Variants in KAT6A observed in about 807,000 individuals in gnomAD.
KAT6A encodes lysine acetyltransferase 6A.
In KAT6A, 9 loss-of-function variants were observed where a neutral mutation model predicts 198.4. The observed-to-expected ratio is 0.05, with a 90% CI of 0.03 to 0.08. The LOEUF (loss-of-function observed/expected upper bound fraction) is 0.08, where lower values mean the gene tolerates loss of function less well. Among genes scored for constraint, KAT6A ranks in the 10% least tolerant of loss-of-function variants. The probability of loss-of-function intolerance (pLI) is 1.00; values close to 1 mark genes in which losing one functional copy is unlikely to be tolerated. For missense variants in KAT6A, 2,077 were observed against 2,509.9 expected, an observed-to-expected ratio of 0.83 and a Z score of 3.69; for synonymous variants, 890 against 883.0, an observed-to-expected ratio of 1.01 and a Z score of -0.14.
intron 12 of KAT6A, among the ~76,000 whole-genome samples, chr8:41,945,270 GTAC>G (rs1490396086): frequency 6.6e-6 from 1 of 150,396 alleles, no homozygotes; most frequent in African/African-American, 2.4e-5. Context: ...GGCAGGTATA[GTAC>G]TTTTTTTTTT....
chr8:42,005,553 T>C (rs771437541), intron 2 of KAT6A, among the ~76,000 whole-genome samples: 12 of 152,274 alleles, frequency 7.9e-5, no homozygotes, highest in Non-Finnish European at 1.5e-4. Flanking sequence ...CTGCAAATTT[T>C]TGGCAGACAT....
chr8:42,007,212 C>T (rs1040923050), intron 2 of KAT6A, among the ~76,000 whole-genome samples: 8 of 152,132 alleles, frequency 5.3e-5, no homozygotes, highest in Non-Finnish European at 1.0e-4. Flanking sequence ...GAATCCTCAA[C>T]ATAGAGTAGT....
intron 2 of KAT6A, among the ~76,000 whole-genome samples, chr8:41,993,259 A>G (rs1825030215): frequency 6.6e-6 from 1 of 152,246 alleles, no homozygotes; most frequent in Admixed American, 6.5e-5. Context: ...AGACAGTTTA[A>G]CCAAATTATT....
At chr8:41,962,398 A>G (rs1347800027) in intron 8 of KAT6A, among the ~76,000 whole-genome samples, 1 of 152,056 alleles carries the variant, frequency 6.6e-6, no homozygotes, top group East Asian at 1.9e-4. Flanking sequence ...TCCCCATCTC[A>G]GTAGATGGCA....
chr8:42,014,155 G>A (rs1826153888), intron 2 of KAT6A, among the ~76,000 whole-genome samples: 1 of 152,024 alleles, frequency 6.6e-6, no homozygotes, highest in Non-Finnish European at 1.5e-5. Flanking sequence ...GAACTATAAA[G>A]AGGTGGGGGC....
Position 41,933,087 on chromosome 8 carries a change from G to A in KAT6A, c.5133C>T (p.Phe1711=), listed in dbSNP as rs921650112. 5 of 1,486,068 alleles carry A rather than the reference G, an allele frequency of 3.4e-6. No individual in the cohort carries two copies. In the East Asian group the frequency reaches 1.4e-4, roughly 40 times the overall value. The allele number at this position is 1,486,068 out of a possible 1,614,324, so 92.1% of individuals were successfully genotyped here. ...TCTCCATGATCATAGGAGCTGGGGT[G>A]AAACTGTTATTCATACTACACTGTG... ...PLSQCSMNNS[F]TPAPMIMEIP... is the part of the protein sequence containing the mutation. The change falls in exon 17 of 17, where the codon TTC becomes TTT. Residue 1711 remains phenylalanine, a synonymous_variant. Coordinates refer to ENST00000265713, the MANE Select transcript of KAT6A (RefSeq NM_006766.5). The surrounding 1 kb of genome is among the most constrained non-coding windows in gnomAD (Gnocchi z 6.2).
At chr8:42,023,171 T>G (rs1183615394) in intron 2 of KAT6A, among the ~76,000 whole-genome samples, 10 of 152,190 alleles carry the variant, frequency 6.6e-5, no homozygotes, top group African/African-American at 2.4e-4. Context: ...TATAAGATTT[T>G]TTTAAATTAG....
intron 2 of KAT6A, among the ~76,000 whole-genome samples, chr8:42,022,103 A>C (rs1392131694): frequency 6.6e-6 from 1 of 152,200 alleles, no homozygotes; most frequent in Admixed American, 6.5e-5. Context: ...CAACACAGAC[A>C]ATCTTCTTTA....
At chr8:41,995,160 A>C (rs1435243389) in intron 2 of KAT6A, among the ~76,000 whole-genome samples, 1 of 152,256 alleles carries the variant, frequency 6.6e-6, no homozygotes, top group Non-Finnish European at 1.5e-5. Flanking sequence ...AACTAGATAT[A>C]ATAAGAGTAC....
chr8:42,011,630 C>T (rs916097950), intron 2 of KAT6A, among the ~76,000 whole-genome samples: 9 of 151,832 alleles, frequency 5.9e-5, no homozygotes, highest in Admixed American at 3.3e-4. Flanking sequence ...ATCCCAGCTA[C>T]GCAGGAGGCT....
intron 2 of KAT6A, among the ~76,000 whole-genome samples, chr8:42,024,202 G>A (rs1290575070): frequency 6.6e-6 from 1 of 152,054 alleles, no homozygotes; most frequent in Non-Finnish European, 1.5e-5. Flanking sequence ...TCATAAGACT[G>A]GCAGCACAGG....
intron 8 of KAT6A, among the ~76,000 whole-genome samples, chr8:41,968,502 T>C (rs1230635915): frequency 1.3e-5 from 2 of 152,080 alleles, no homozygotes; most frequent in Non-Finnish European, 2.9e-5. Context: ...TGTGGAGAAA[T>C]AGGAACACTT....
chr8:41,996,596 G>A (rs1825217215), intron 2 of KAT6A, among the ~76,000 whole-genome samples: 1 of 152,128 alleles, frequency 6.6e-6, no homozygotes, highest in Admixed American at 6.5e-5. Flanking sequence ...CTCATGACTA[G>A]ATTAATGCTG....
intron 3 of KAT6A, among the ~76,000 whole-genome samples, chr8:41,984,608 C>T (rs1432815072): frequency 2.0e-5 from 3 of 152,286 alleles, no homozygotes; most frequent in South Asian, 4.1e-4. Context: ...TTGCTTTAAG[C>T]TGCTAAGATT....
Position 41,941,356 on chromosome 8 carries a change from C to A in KAT6A, c.2525G>T (p.Ser842Ile). The change falls in exon 15 of 17, where the codon AGT (serine) becomes ATT (isoleucine). Residue 842 changes from serine (S) to isoleucine (I), a missense_variant. Coordinates refer to ENST00000265713, the MANE Select transcript of KAT6A (RefSeq NM_006766.5). ...GACTTGTTTGCTCAAACGTGTAGAA[C>A]TGACTGGAGCCATAACTTCTGGTTT... ...EKKPEVMAPV[S>I]STRLSKQVLP... 3.1e-6 allele frequency: 5 copies of A among 1,612,442 alleles called. No individual in the cohort carries two copies. Among genetic ancestry groups the A allele is most frequent in the Non-Finnish European group, 4.2e-6 (5 of 1,180,014 alleles).
At chr8:41,978,608 T>C (rs760094839) in intron 6 of KAT6A, 34 bp downstream of exon 6, 2 of 1,606,796 alleles carry the variant, frequency 1.2e-6, no homozygotes, top group Admixed American at 1.7e-5. Context: ...ACCCTATCCT[T>C]TTCTCCCCTC....
chr8:41,966,474 C>A (rs189741812), intron 8 of KAT6A, among the ~76,000 whole-genome samples: 1 of 151,992 alleles, frequency 6.6e-6, no homozygotes, highest in Non-Finnish European at 1.5e-5. Flanking sequence ...GATCTTGGAG[C>A]GTATCACTGG....
chr8:42,023,516 C>T (rs1476436012), intron 2 of KAT6A, among the ~76,000 whole-genome samples: 1 of 150,594 alleles, frequency 6.6e-6, no homozygotes, highest in Non-Finnish European at 1.5e-5. Context: ...AAGACAGGGT[C>T]ACACTCTGTT....
At chr8:41,989,433 C>T (rs1383296484) in intron 2 of KAT6A, among the ~76,000 whole-genome samples, 2 of 151,940 alleles carry the variant, frequency 1.3e-5, no homozygotes, top group African/African-American at 4.8e-5. Context: ...CGCTTGAACC[C>T]GGGAGGTAGA....
Sources: gnomAD v4.1 joint callset for allele counts (sites outside exome capture counted in the v4.1 genomes callset) on GRCh38, gnomAD v4.1.1 for gene constraint, Gnocchi (gnomAD v3.1) non-coding constraint, MANE v1.5 for transcripts, NCBI Gene and HGNC (gene_info 2026-07-23, HGNC 2026-07-21) for gene names.